Variants in AKAP19 observed in about 807,000 individuals in gnomAD.
AKAP19 encodes the protein small A-kinase anchoring protein.
chr2:190,149,323 C>T, the AKAP19 span, among the ~76,000 whole-genome samples: 1 of 151,938 alleles, frequency 6.6e-6, no homozygotes, highest in African/African-American at 2.4e-5. Context: ...TTCAATTTCA[C>T]TTAGTTCTCT....
At chr2:189,911,255 C>T in the AKAP19 span, among the ~76,000 whole-genome samples, 2 of 152,004 alleles carry the variant, frequency 1.3e-5, no homozygotes, top group Non-Finnish European at 2.9e-5. Flanking sequence ...ACTCTTCGTA[C>T]CATTTTATTA....
the AKAP19 span, among the ~76,000 whole-genome samples, chr2:190,171,761 T>C: frequency 3.3e-5 from 5 of 152,184 alleles, no homozygotes; most frequent in Admixed American, 3.3e-4. Context: ...TACCCACAAA[T>C]AGACTAAGTT....
At chr2:190,108,793 T>G in the AKAP19 span, among the ~76,000 whole-genome samples, 1 of 151,418 alleles carries the variant, frequency 6.6e-6, no homozygotes, top group South Asian at 2.1e-4. Context: ...GTTTTTTTTT[T>G]TTTTTTTTTA....
the AKAP19 span, among the ~76,000 whole-genome samples, chr2:190,133,261 A>C: frequency 7.1e-6 from 1 of 140,950 alleles, no homozygotes; most frequent in African/African-American, 2.5e-5. Flanking sequence ...AAAAAAAAAA[A>C]AAGTGCAAAA....
chr2:190,149,042 C>A, the AKAP19 span, among the ~76,000 whole-genome samples: 2 of 151,004 alleles, frequency 1.3e-5, no homozygotes, highest in Admixed American at 1.3e-4. Context: ...CGGCTCACTG[C>A]AACCTCTGCC....
chr2:190,164,766 G>T, the AKAP19 span, among the ~76,000 whole-genome samples: 26 of 152,132 alleles, frequency 1.7e-4, no homozygotes, highest in African/African-American at 6.0e-4. Context: ...TACAAAATAT[G>T]GAAAAACTTT....
chr2:190,176,459 T>C, the AKAP19 span, among the ~76,000 whole-genome samples: 1 of 152,194 alleles, frequency 6.6e-6, no homozygotes, highest in Admixed American at 6.5e-5. This position sits in a 1 kb window ranked among gnomAD's most constrained non-coding sequence, Gnocchi z 4.7. Context: ...GCGATTCTCC[T>C]GCCTCAGCCT....
At chr2:189,935,245 A>G in the AKAP19 span, among the ~76,000 whole-genome samples, 2 of 152,050 alleles carry the variant, frequency 1.3e-5, no homozygotes, top group Admixed American at 1.3e-4. Context: ...GTTTTGGACT[A>G]TTAATATGAA....
At chr2:190,026,667 G>C in the AKAP19 span, among the ~76,000 whole-genome samples, 1 of 152,058 alleles carries the variant, frequency 6.6e-6, no homozygotes, top group East Asian at 1.9e-4. Context: ...GAATCTACCA[G>C]AAATCAGTTG....
At chr2:190,062,243 G>A in the AKAP19 span, 1 of 1,612,988 alleles carries the variant, frequency 6.2e-7, no homozygotes, top group Non-Finnish European at 8.5e-7. Flanking sequence ...GCATGGTAAT[G>A]ATTGTTTCCG....
the AKAP19 span, among the ~76,000 whole-genome samples, chr2:190,105,400 C>T: frequency 6.6e-6 from 1 of 151,952 alleles, no homozygotes; most frequent in Non-Finnish European, 1.5e-5. Context: ...TTGTGGTCTC[C>T]CTCTATTCCT....
the AKAP19 span, among the ~76,000 whole-genome samples, chr2:190,092,494 C>T: frequency 6.6e-6 from 1 of 151,976 alleles, no homozygotes; most frequent in Non-Finnish European, 1.5e-5. Flanking sequence ...TTCCTAAGTC[C>T]CTATCAAATG....
chr2:189,909,434 GTC>G, the AKAP19 span, among the ~76,000 whole-genome samples: 3 of 151,730 alleles, frequency 2.0e-5, no homozygotes, highest in Non-Finnish European at 4.4e-5. Flanking sequence ...GTTTCTTTCT[GTC>G]TCTCTTGCTA....
At chr2:190,082,568 A>G in the AKAP19 span, among the ~76,000 whole-genome samples, 8 of 152,360 alleles carry the variant, frequency 5.3e-5, no homozygotes, top group East Asian at 1.2e-3. Context: ...TTCTAAATAT[A>G]AGGAATATTC....
chr2:190,168,897 C>T, the AKAP19 span, among the ~76,000 whole-genome samples: 1 of 152,192 alleles, frequency 6.6e-6, no homozygotes, highest in African/African-American at 2.4e-5. Flanking sequence ...ATTTTCCTAT[C>T]TTCTTCTGAG....
chr2:190,005,871 A>G, the AKAP19 span, among the ~76,000 whole-genome samples: 2 of 152,220 alleles, frequency 1.3e-5, no homozygotes, highest in Admixed American at 6.5e-5. Flanking sequence ...TACCAATGCA[A>G]CTTTTCCTTA....
the AKAP19 span, among the ~76,000 whole-genome samples, chr2:189,907,218 A>C: frequency 6.6e-6 from 1 of 152,130 alleles, no homozygotes; most frequent in African/African-American, 2.4e-5. Flanking sequence ...AAAGTCTTAC[A>C]TATATATGGG....
the AKAP19 span, among the ~76,000 whole-genome samples, chr2:190,143,052 G>A: frequency 5.9e-5 from 9 of 151,950 alleles, no homozygotes; most frequent in Non-Finnish European, 8.8e-5. Context: ...ACTGGGGGGC[G>A]GGGGTGTGTG....
chr2:189,986,133 C>G, the AKAP19 span, among the ~76,000 whole-genome samples: 1 of 152,132 alleles, frequency 6.6e-6, no homozygotes, highest in Non-Finnish European at 1.5e-5. Context: ...CTAAACTACC[C>G]TCCTTCTTGG....
Sources: allele counts gnomAD v4.1 joint callset (sites outside exome capture counted in the v4.1 genomes callset), GRCh38; gene constraint gnomAD v4.1.1; non-coding constraint Gnocchi (gnomAD v3.1); transcripts MANE v1.5; gene names NCBI Gene and HGNC (gene_info 2026-07-23, HGNC 2026-07-21).